Variants in CCDC3 observed in about 807,000 individuals in gnomAD.
The protein encoded by CCDC3 is coiled-coil domain-containing protein 3.
CCDC3 carries 24 observed loss-of-function variants against 21.4 expected under a neutral mutation model. The ratio of observed to expected loss-of-function variants is 1.12; its 90% confidence interval spans 0.81 to 1.58. The LOEUF is 1.58. Ranked by LOEUF, CCDC3 falls within the 40% of genes most tolerant of loss-of-function variation. The probability of loss-of-function intolerance (pLI) is 0.00; values close to 1 mark genes in which losing one functional copy is unlikely to be tolerated. For missense variants in CCDC3, 425 were observed against 360.9 expected (o/e 1.18, Z -1.44); for synonymous variants, 186 against 166.0 (o/e 1.12, Z -0.93).
At chr10:13,058,133 C>T (rs1836706050) in intron 4 of CCDC3, 2 of 859,708 alleles carry the variant, frequency 2.3e-6, no homozygotes, top group East Asian at 4.8e-5. Flanking sequence ...AGAATCATAA[C>T]CAGGGAATCA....
chr10:13,030,194 C>T lies in CCDC3; in HGVS notation c.-2+19480G>A, dbSNP rs567009589. On this transcript the variant is annotated intron_variant, in intron 5 of 6. Transcript: ENST00000378839. ...AGAGTGGGAGCTAACATTCAACATT[C>T]TTAAAGAAAAGAATTTTCAACCCAG... Among the ~76,000 whole-genome samples, 6 of 152,292 alleles carry T rather than the reference C, an allele frequency of 3.9e-5. No individual in the cohort carries two copies. In the South Asian group the frequency reaches 1.2e-3, roughly 32 times the overall value.
intron 5 of CCDC3, among the ~76,000 whole-genome samples, chr10:13,040,807 CT>C (rs1836444536): frequency 6.6e-6 from 1 of 152,010 alleles, no homozygotes; most frequent in African/African-American, 2.4e-5. Context: ...CATACCCAAA[CT>C]TTCAGGTAGC....
intron 2 of CCDC3, among the ~76,000 whole-genome samples, chr10:12,960,161 C>CGCACACA (rs2131256018): frequency 5.2e-5 from 1 of 19,220 alleles, no homozygotes; most frequent in African/African-American, 1.5e-4. Context: ...TTCACACACA[C>CGCACACA]ACACACAACA....
intron 5 of CCDC3, among the ~76,000 whole-genome samples, chr10:13,020,295 T>C (rs1047192408): frequency 6.6e-6 from 1 of 152,188 alleles, no homozygotes; most frequent in African/African-American, 2.4e-5. Context: ...TCTAACTCAT[T>C]CCCATGAATT....
Position 13,016,404 on chromosome 10 carries a change from A to T in CCDC3, c.-1-17892T>A, listed in dbSNP as rs1264714159. Reference sequence around the variant, plus strand: ...TGTATACAGGGAATGGGCCCAGGAAACCTAAACGGAGACAAGCAACTCAAA... The same window carrying T: ...TGTATACAGGGAATGGGCCCAGGAATCCTAAACGGAGACAAGCAACTCAAA... On this transcript the variant is annotated intron_variant, in intron 5 of 6. Transcript: ENST00000378839. Among the ~76,000 whole-genome samples, 2 of 151,842 alleles carry T rather than the reference A, an allele frequency of 1.3e-5. 1 individual carries two copies. The highest frequency in any genetic ancestry group is 2.9e-5 in the Non-Finnish European group (2 of 67,916).
chr10:13,046,176 CAGG>C (rs1836525302), intron 5 of CCDC3, among the ~76,000 whole-genome samples: 1 of 151,374 alleles, frequency 6.6e-6, no homozygotes, highest in African/African-American at 2.4e-5. Context: ...GAGGCCAAGG[CAGG>C]AGGATTGCTT....
chr10:13,044,900 T>C (rs1836503715), intron 5 of CCDC3, among the ~76,000 whole-genome samples: 1 of 152,346 alleles, frequency 6.6e-6, no homozygotes, highest in East Asian at 1.9e-4. Context: ...ATTTAACATA[T>C]CGAGTCTTCC....
At chr10:12,994,629 GTGATCATAACAGCAATTC>G (rs1835732200) in intron 2 of CCDC3, among the ~76,000 whole-genome samples, 1 of 152,122 alleles carries the variant, frequency 6.6e-6, no homozygotes, top group South Asian at 2.1e-4. Flanking sequence ...GAATAAAAGA[GTGATCATAACAGCAATTC>G]TGACCCCTCC....
chr10:12,959,914 G>A (rs1835153022), intron 2 of CCDC3, among the ~76,000 whole-genome samples: 1 of 152,180 alleles, frequency 6.6e-6, no homozygotes, highest in Non-Finnish European at 1.5e-5. Flanking sequence ...AGCACCTTGG[G>A]AGGCTGAAGC....
chr10:13,005,860 A>G (rs1835918087), upstream of CCDC3, among the ~76,000 whole-genome samples: 1 of 152,226 alleles, frequency 6.6e-6, no homozygotes, highest in South Asian at 2.1e-4. Context: ...GCATTTTTAA[A>G]TGTGGCATAT....
intron 2 of CCDC3, among the ~76,000 whole-genome samples, chr10:12,921,147 ATCT>A (rs1834444732): frequency 1.3e-5 from 2 of 152,346 alleles, no homozygotes; most frequent in African/African-American, 4.8e-5. Context: ...CTGCCTTCTC[ATCT>A]TCTTCCATAA....
chr10:13,095,253 G>A (rs1832617202), intron 3 of CCDC3, among the ~76,000 whole-genome samples: 1 of 152,180 alleles, frequency 6.6e-6, no homozygotes, highest in South Asian at 2.1e-4. Flanking sequence ...GTGATGAACT[G>A]AATCAAACTA....
intron 2 of CCDC3, among the ~76,000 whole-genome samples, chr10:12,990,172 G>A (rs1272315526): frequency 1.3e-5 from 2 of 151,652 alleles, no homozygotes; most frequent in Non-Finnish European, 2.9e-5. Flanking sequence ...CAGGAGAATG[G>A]TGTGAACCTG....
chr10:13,079,261 T>C (rs1837002952), intron 3 of CCDC3, among the ~76,000 whole-genome samples: 2 of 31,598 alleles, frequency 6.3e-5, no homozygotes, highest in African/African-American at 1.9e-4. Flanking sequence ...TCCTCTCTCA[T>C]GAGGAGGCAC....
intron 3 of CCDC3, among the ~76,000 whole-genome samples, chr10:13,089,035 G>T (rs1271151955): frequency 2.1e-4 from 32 of 151,380 alleles, no homozygotes; most frequent in Non-Finnish European, 5.9e-5. Context: ...AAAGAAGAAA[G>T]AAATATTAAC....
intron 3 of CCDC3, among the ~76,000 whole-genome samples, chr10:13,083,461 T>C (rs1837067101): frequency 6.6e-6 from 1 of 152,276 alleles, no homozygotes; most frequent in Non-Finnish European, 1.5e-5. Flanking sequence ...TAATAGTTTC[T>C]TTTAAAGACT....
intron 2 of CCDC3, among the ~76,000 whole-genome samples, chr10:12,916,437 A>AG (rs1411352132): frequency 6.6e-6 from 1 of 151,410 alleles, no homozygotes; most frequent in Non-Finnish European, 1.5e-5. Context: ...AAAAAAAAAA[A>AG]AAAAAAAAAT....
Position 12,924,334 on chromosome 10 carries a change from G to A in CCDC3, c.550-25655C>T, listed in dbSNP as rs78425359. Among the ~76,000 whole-genome samples the A allele has an allele frequency of 9.2e-5, 14 of 152,322 alleles. No individual in the cohort carries two copies. The East Asian group carries it at 1.5e-3, about 17-fold the overall frequency. Reference sequence around the variant, plus strand: ...GGCATTGCACTGGTAGGTGGCAACCGCTTTTGAGCAGAAATGGGCTCATTA... The same window carrying A: ...GGCATTGCACTGGTAGGTGGCAACCACTTTTGAGCAGAAATGGGCTCATTA... On this transcript the variant is annotated intron_variant, in intron 2 of 2. Transcript: ENST00000378825.
intron 2 of CCDC3, among the ~76,000 whole-genome samples, chr10:12,923,757 T>C (rs1248585074): frequency 1.3e-5 from 2 of 152,236 alleles, no homozygotes; most frequent in Non-Finnish European, 2.9e-5. Flanking sequence ...CCCGTCTCCA[T>C]GCCTGGAACT....
Sources: gnomAD v4.1 joint callset for allele counts (sites outside exome capture counted in the v4.1 genomes callset) on GRCh38, gnomAD v4.1.1 for gene constraint, MANE v1.5 for transcripts, NCBI Gene and HGNC (gene_info 2026-07-23, HGNC 2026-07-21) for gene names.